The following LRRTM4 variants were observed in gnomAD, a reference collection of about 807,000 sequenced individuals.
LRRTM4 encodes leucine rich repeat transmembrane neuronal 4, also known as leucine-rich repeat transmembrane neuronal protein 4.
A neutral mutation model predicts 47.6 loss-of-function variants in LRRTM4; 25 were observed. The observed-to-expected ratio is 0.53, with a 90% confidence interval of 0.38 to 0.73. LRRTM4 has a LOEUF of 0.73. Among genes scored for constraint, LRRTM4 ranks in the 30% least tolerant of loss-of-function variants. LRRTM4 has a pLI of 0.00. For synonymous variants in LRRTM4, 311 were observed against 269.5 expected, an observed-to-expected ratio of 1.15 and a Z score of -1.51; for missense variants, 638 against 713.4, an observed-to-expected ratio of 0.89 and a Z score of 1.20.
chr2:76,951,030 G>A (rs547139733), intron 3 of LRRTM4, among the ~76,000 whole-genome samples: 1 of 152,158 alleles, frequency 6.6e-6, no homozygotes, highest in Non-Finnish European at 1.5e-5. Flanking sequence ...CTATCATAAG[G>A]AGGAAATAAA....
At chr2:77,054,196 G>A (rs1191669128) in intron 3 of LRRTM4, among the ~76,000 whole-genome samples, 1 of 152,034 alleles carries the variant, frequency 6.6e-6, no homozygotes, top group Non-Finnish European at 1.5e-5. Context: ...CTTGGGAGAG[G>A]GTACCTACAG....
intron 3 of LRRTM4, among the ~76,000 whole-genome samples, chr2:77,195,972 G>C (rs1463097951): frequency 6.6e-6 from 1 of 152,114 alleles, no homozygotes; most frequent in African/African-American, 2.4e-5. Flanking sequence ...GTGTAAGTAA[G>C]CTATTAATCT....
chr2:77,304,116 T>A (rs1677209447), intron 3 of LRRTM4, among the ~76,000 whole-genome samples: 1 of 152,194 alleles, frequency 6.6e-6, no homozygotes, highest in Non-Finnish European at 1.5e-5. Flanking sequence ...TACATGTTAC[T>A]TTTTGTCTTT....
At chr2:76,813,399 G>GGCT (rs1670802773) in intron 3 of LRRTM4, among the ~76,000 whole-genome samples, 1 of 152,024 alleles carries the variant, frequency 6.6e-6, no homozygotes, top group Non-Finnish European at 1.5e-5. Context: ...GCTTGACTTT[G>GGCT]TCTAATGTCA....
At chr2:77,138,396 C>T (rs1672013592) in intron 3 of LRRTM4, among the ~76,000 whole-genome samples, 1 of 152,108 alleles carries the variant, frequency 6.6e-6, no homozygotes, top group Non-Finnish European at 1.5e-5. Context: ...GAAATGAAGG[C>T]AGAAATAAAG....
chr2:77,460,235 T>C (rs1676736349), intron 3 of LRRTM4, among the ~76,000 whole-genome samples: 1 of 152,150 alleles, frequency 6.6e-6, no homozygotes, highest in Admixed American at 6.6e-5. Flanking sequence ...AGGCTGCTTC[T>C]CATGCCAGAG....
chr2:77,194,649 G>GA (rs1012496293), intron 3 of LRRTM4, among the ~76,000 whole-genome samples: 1 of 151,476 alleles, frequency 6.6e-6, no homozygotes, highest in African/African-American at 2.4e-5. Flanking sequence ...GCCTCCAGAG[G>GA]AAAAAAAAGA....
intron 3 of LRRTM4, among the ~76,000 whole-genome samples, chr2:76,901,203 C>T (rs1057452696): frequency 2.0e-5 from 3 of 152,096 alleles, no homozygotes; most frequent in East Asian, 1.9e-4. Flanking sequence ...CTCCCTCCCC[C>T]ATCCCAAACC....
intron 3 of LRRTM4, among the ~76,000 whole-genome samples, chr2:77,492,451 G>C (rs951453536): frequency 3.7e-4 from 57 of 152,004 alleles, no homozygotes; most frequent in Non-Finnish European, 5.9e-4. Context: ...TGGAGATGGG[G>C]TCTTGCTATA....
At chr2:76,786,155 C>G (rs963963678) in intron 3 of LRRTM4, among the ~76,000 whole-genome samples, 1 of 152,030 alleles carries the variant, frequency 6.6e-6, no homozygotes, top group African/African-American at 2.4e-5. Context: ...AAAAGAAGTA[C>G]AAATTCTTTT....
At chr2:77,358,349 C>A (rs2104309252) in intron 3 of LRRTM4, among the ~76,000 whole-genome samples, 1 of 152,172 alleles carries the variant, frequency 6.6e-6, no homozygotes, top group South Asian at 2.1e-4. Flanking sequence ...TATAACAATC[C>A]ACTCTTGCGG....
intron 3 of LRRTM4, among the ~76,000 whole-genome samples, chr2:76,900,583 T>C (rs1017030024): frequency 4.9e-4 from 75 of 152,114 alleles, no homozygotes; most frequent in African/African-American, 1.7e-3. Context: ...AATAAATAAA[T>C]GAATAACTGC....
intron 3 of LRRTM4, among the ~76,000 whole-genome samples, chr2:77,319,427 A>G (rs1677723818): frequency 6.6e-6 from 1 of 151,944 alleles, no homozygotes; most frequent in Non-Finnish European, 1.5e-5. Context: ...TTCAGTAAAA[A>G]TTAAATAATT....
intron 3 of LRRTM4, among the ~76,000 whole-genome samples, chr2:77,384,473 TTAA>T (rs1245110280): frequency 3.3e-5 from 5 of 151,940 alleles, no homozygotes; most frequent in African/African-American, 2.4e-5. Context: ...CATTAAACTC[TTAA>T]TAATTACTTA....
chr2:77,507,783 G>A (rs946401610), intron 3 of LRRTM4, among the ~76,000 whole-genome samples: 2 of 152,000 alleles, frequency 1.3e-5, no homozygotes, highest in African/African-American at 4.8e-5. Flanking sequence ...ATCCCTAAGA[G>A]CAATGCACAA....
chr2:77,005,738 A>G (rs1415648730), intron 3 of LRRTM4, among the ~76,000 whole-genome samples: 1 of 152,150 alleles, frequency 6.6e-6, no homozygotes, highest in African/African-American at 2.4e-5. Flanking sequence ...CACCTTCCGC[A>G]GTGATTGCGA....
At chr2:76,946,995 T>C (rs1222853765) in intron 3 of LRRTM4, among the ~76,000 whole-genome samples, 3 of 151,688 alleles carry the variant, frequency 2.0e-5, no homozygotes, top group African/African-American at 7.3e-5. Flanking sequence ...AAGGCCTGAG[T>C]GAAGAGAATA....
intron 3 of LRRTM4, among the ~76,000 whole-genome samples, chr2:77,292,123 A>C (rs1391888615): frequency 6.6e-6 from 1 of 151,986 alleles, no homozygotes; most frequent in Non-Finnish European, 1.5e-5. Flanking sequence ...CTATCAGAGA[A>C]ATGCAAATCA....
chr2:77,403,092 C>A (rs1674026055), intron 3 of LRRTM4, among the ~76,000 whole-genome samples: 2 of 151,810 alleles, frequency 1.3e-5, no homozygotes, highest in South Asian at 4.1e-4. Context: ...AAATACAAAC[C>A]TAATTATGCC....
Sources: allele counts gnomAD v4.1 joint callset (sites outside exome capture counted in the v4.1 genomes callset), GRCh38; gene constraint gnomAD v4.1.1; transcripts MANE v1.5; gene names NCBI Gene and HGNC (gene_info 2026-07-23, HGNC 2026-07-21).